ERN1: variants seen among roughly 807,000 people sequenced by gnomAD.
ERN1 encodes serine/threonine-protein kinase/endoribonuclease IRE1.
A neutral mutation model predicts 113.1 loss-of-function variants in ERN1; 39 were observed. The observed-to-expected ratio is 0.34, with a 90% CI of 0.27 to 0.45. ERN1 has a LOEUF of 0.45. Ranked by LOEUF, ERN1 falls within the 20% of genes least tolerant of loss-of-function variation. The pLI, the probability that ERN1 is intolerant of heterozygous loss-of-function variation, is 1.00. For missense variants in ERN1, 976 were observed against 1,274.8 expected (o/e 0.77, Z 3.57); for synonymous variants, 507 against 515.9 (o/e 0.98, Z 0.23).
intron 2 of ERN1, among the ~76,000 whole-genome samples, chr17:64,092,308 G>A (rs1307638391): frequency 6.6e-6 from 1 of 152,144 alleles, no homozygotes; most frequent in East Asian, 1.9e-4. Context: ...CTGCTTGGCC[G>A]TGATTCTGTC....
intron 1 of ERN1, among the ~76,000 whole-genome samples, chr17:64,100,030 G>A (rs374196573): frequency 3.3e-5 from 5 of 152,290 alleles, no homozygotes; most frequent in African/African-American, 1.2e-4. Context: ...GTATAAATCG[G>A]CCAGGAAAAC....
Position 64,049,660 on chromosome 17 carries a change from C to A in ERN1, c.2254-458G>T, listed in dbSNP as rs1912623062. Reference sequence around the variant, plus strand: ...AATGGTGCCTGCACACAGTAGGTATCAAAATTGCTAATAAGTGAATAAAAC... The same window carrying A: ...AATGGTGCCTGCACACAGTAGGTATAAAAATTGCTAATAAGTGAATAAAAC... On this transcript the variant is annotated intron_variant, in intron 17 of 21. Coordinates refer to ENST00000433197, the MANE Select transcript of ERN1 (RefSeq NM_001433.5). This position sits in a 1 kb window ranked among gnomAD's most constrained non-coding sequence, Gnocchi z 4.7. Among the ~76,000 whole-genome samples the A allele has an allele frequency of 6.6e-6, 1 of 152,104 alleles. No homozygotes were observed. Among genetic ancestry groups the A allele is most frequent in the Non-Finnish European group, 1.5e-5 (1 of 68,026 alleles).
chr17:64,043,975 G>C lies in ERN1; in HGVS notation c.*13C>G. 6.4e-7 allele frequency: 1 copy of C among 1,573,560 alleles called. No homozygotes were observed. Among genetic ancestry groups the C allele is most frequent in the Non-Finnish European group, 8.7e-7 (1 of 1,146,780 alleles). On this transcript the variant is annotated 3_prime_UTR_variant, in exon 22 of 22. Transcript: ENST00000433197. ...CACAGCTGGGGCCACCAGAACAGAG[G>C]GGCCGCCCTCGCTCAGAGGGCGTCT...
At chr17:64,100,346 T>C (rs1206411099) in intron 1 of ERN1, among the ~76,000 whole-genome samples, 1 of 152,142 alleles carries the variant, frequency 6.6e-6, no homozygotes, top group Non-Finnish European at 1.5e-5. Flanking sequence ...AAATTATGCA[T>C]ACCTGGGGCC....
chr17:64,041,151 A>G lies in ERN1; in HGVS notation c.*2837T>C, dbSNP rs1387225110. On this transcript the variant is annotated 3_prime_UTR_variant, in exon 22 of 22. Transcript: ENST00000433197. ...TGACAGAGCGAGACTCTGTCTCAAA[A>G]AAACAAAAAACAAACGAAAAAACAC... The G allele has an allele frequency of 6.6e-6, 1 of 152,252 alleles. No homozygotes were observed. The highest frequency in any genetic ancestry group is 1.5e-5 in the Non-Finnish European group (1 of 68,080). The allele number at this position is 152,252 out of a possible 1,614,324, so 9.4% of individuals were successfully genotyped here. A position where few individuals can be genotyped will look rare whatever the true frequency, so the allele number is the denominator to read the frequency against.
Position 64,044,729 on chromosome 17 carries a change from C to G in ERN1, c.2721+131G>C, listed in dbSNP as rs561486868. The G allele has an allele frequency of 1.5e-6, 1 of 671,702 alleles. No homozygotes were observed. The highest frequency in any genetic ancestry group is 2.8e-5 in the Admixed American group (1 of 36,350). The allele number at this position is 671,702 out of a possible 1,614,324, so 41.6% of individuals were successfully genotyped here. A position where few individuals can be genotyped will look rare whatever the true frequency, so the allele number is the denominator to read the frequency against. On this transcript the variant is annotated intron_variant, in intron 21 of 21. Transcript: ENST00000433197. The surrounding 1 kb of genome is among the most constrained non-coding windows in gnomAD (Gnocchi z 4.1). The stretch of plus-strand genomic sequence containing the variant: ...ACAGCCTGCAGTTTGCCAAGTCCAG[C>G]TGAAGCCGCCTAGCTCCTGAGAGAT...
At chr17:64,073,335 ATT>A (rs201213734) in intron 5 of ERN1, among the ~76,000 whole-genome samples, 5 of 135,090 alleles carry the variant, frequency 3.7e-5, no homozygotes, top group African/African-American at 2.9e-5. Context: ...CACCCAGCAA[ATT>A]TTTTTTTTTT....
intron 1 of ERN1, chr17:64,098,572 T>G (rs765146345): frequency 1.1e-5 from 6 of 560,706 alleles, no homozygotes; most frequent in African/African-American, 7.5e-5. Context: ...GCCTATTCTA[T>G]TCTCTAAAAC....
At chr17:64,117,037 G>A (rs971065991) in intron 1 of ERN1, among the ~76,000 whole-genome samples, 19 of 151,834 alleles carry the variant, frequency 1.3e-4, no homozygotes, top group Admixed American at 3.9e-4. Flanking sequence ...GTGTGAACCC[G>A]GGAGGCGGAG....
intron 1 of ERN1, among the ~76,000 whole-genome samples, chr17:64,116,700 T>C (rs1914813877): frequency 6.6e-6 from 1 of 151,812 alleles, no homozygotes; most frequent in South Asian, 2.1e-4. Context: ...TGTATTTGGG[T>C]GCACAGCCAT....
chr17:64,078,097 C>G (rs1212409288), intron 4 of ERN1, among the ~76,000 whole-genome samples: 3 of 152,206 alleles, frequency 2.0e-5, no homozygotes, highest in Admixed American at 2.0e-4. Flanking sequence ...AGGACTTTAG[C>G]ACTTACTGCC....
chr17:64,105,393 G>C (rs902829519), intron 1 of ERN1, among the ~76,000 whole-genome samples: 5 of 152,034 alleles, frequency 3.3e-5, no homozygotes, highest in Admixed American at 2.0e-4. Context: ...ACAGGCATAA[G>C]CTTAAAAATA....
Position 64,043,803 on chromosome 17 carries a change from G to A in ERN1, c.*185C>T, listed in dbSNP as rs1239284322. 3 of 489,530 alleles carry A rather than the reference G, an allele frequency of 6.1e-6. No homozygotes were observed. The highest frequency in any genetic ancestry group is 1.1e-5 in the Non-Finnish European group (3 of 276,910). 30.3% of individuals were successfully genotyped at this position (489,530 alleles called of 1,614,324 possible). On this transcript the variant is annotated 3_prime_UTR_variant, in exon 22 of 22. Coordinates refer to ENST00000433197, the MANE Select transcript of ERN1 (RefSeq NM_001433.5). ...ATCTTCCCAGTTCCCTGTAGGTCAC[G>A]AGGGGCCACTTCTCCCACTTCCTGG...
rs1389139827 is a variant in ERN1, at chr17:64,060,605, AC to A, written c.1088-19del. ...ATGGTGTCCTATGACAGGAAACAAA[AC>A]CTTTAGTGAGAACAATTTCCCGAGC... On this transcript the variant is annotated intron_variant, in intron 10 of 21. Transcript: ENST00000433197. 6.4e-7 allele frequency: 1 copy of A among 1,567,350 alleles called. No homozygotes were observed. The highest frequency in any genetic ancestry group is 8.8e-7 in the Non-Finnish European group (1 of 1,137,694).
intron 10 of ERN1, among the ~76,000 whole-genome samples, chr17:64,060,874 C>T (rs571928251): frequency 1.5e-3 from 225 of 152,240 alleles, no homozygotes; most frequent in Non-Finnish European, 2.5e-3. Flanking sequence ...ACGCAAGGCT[C>T]GTGGGGCTGC....
chr17:64,109,765 A>G (rs1914625122), intron 1 of ERN1, among the ~76,000 whole-genome samples: 1 of 152,234 alleles, frequency 6.6e-6, no homozygotes, highest in African/African-American at 2.4e-5. Flanking sequence ...AGTTAACCAT[A>G]GACACAGGAC....
At chr17:64,082,846 T>G (rs1913809614) in intron 2 of ERN1, among the ~76,000 whole-genome samples, 1 of 116,628 alleles carries the variant, frequency 8.6e-6, no homozygotes, top group Non-Finnish European at 1.6e-5. Flanking sequence ...GTTTAAGAAC[T>G]GTGATTTTTT....
At chr17:64,076,412 G>A (rs1913592421) in intron 4 of ERN1, among the ~76,000 whole-genome samples, 1 of 152,196 alleles carries the variant, frequency 6.6e-6, no homozygotes, top group African/African-American at 2.4e-5. Context: ...AGGCTGCAAT[G>A]ACTGGGTTTT....
chr17:64,107,616 ACAAAAC>A (rs1914566111), intron 1 of ERN1, among the ~76,000 whole-genome samples: 1 of 152,122 alleles, frequency 6.6e-6, no homozygotes, highest in Non-Finnish European at 1.5e-5. Flanking sequence ...CGGCTGGCCT[ACAAAAC>A]AGATTTTTAT....
Sources: allele counts gnomAD v4.1 joint callset (sites outside exome capture counted in the v4.1 genomes callset), GRCh38; gene constraint gnomAD v4.1.1; non-coding constraint Gnocchi (gnomAD v3.1); transcripts MANE v1.5; gene names NCBI Gene and HGNC (gene_info 2026-07-23, HGNC 2026-07-21).